The following SPOCK1 variants were observed in gnomAD, a reference collection of about 807,000 sequenced individuals.
SPOCK1 encodes SPARC (osteonectin), cwcv and kazal like domains proteoglycan 1.
SPOCK1 carries 23 observed loss-of-function variants against 55.3 expected under a neutral mutation model. The ratio of observed to expected loss-of-function variants is 0.42; its 90% CI spans 0.30 to 0.59. SPOCK1 has a LOEUF of 0.59. Among genes scored for constraint, SPOCK1 ranks in the 20% least tolerant of loss-of-function variants. The pLI is 0.22. For missense variants in SPOCK1, 499 were observed against 552.5 expected, an observed-to-expected ratio of 0.90 and a Z score of 0.97; for synonymous variants, 226 against 221.0, an observed-to-expected ratio of 1.02 and a Z score of -0.20.
At chr5:137,031,145 G>A (rs1751771322) in intron 6 of SPOCK1, among the ~76,000 whole-genome samples, 1 of 152,130 alleles carries the variant, frequency 6.6e-6, no homozygotes, top group South Asian at 2.1e-4. Flanking sequence ...GTGGGACTCT[G>A]TACCATTTCC....
intron 2 of SPOCK1, among the ~76,000 whole-genome samples, chr5:137,405,285 C>T (rs1054363388): frequency 6.6e-6 from 1 of 152,202 alleles, no homozygotes; most frequent in Admixed American, 6.5e-5. Context: ...ATCCCCTCAT[C>T]AATTCATATA....
At chr5:137,204,755 T>A (rs958513905) in intron 3 of SPOCK1, among the ~76,000 whole-genome samples, 10 of 152,160 alleles carry the variant, frequency 6.6e-5, no homozygotes, top group African/African-American at 2.4e-4. Flanking sequence ...AGCAGCTTCA[T>A]CCTGCCTTTG....
intron 2 of SPOCK1, among the ~76,000 whole-genome samples, chr5:137,379,193 C>T (rs991958855): frequency 1.3e-5 from 2 of 151,008 alleles, no homozygotes; most frequent in African/African-American, 4.9e-5. Flanking sequence ...CCTGCCCCCA[C>T]CCCACAATCC....
In SPOCK1 at chr5:137,024,318, G is replaced by GGGC. The variant is rs532405532; in HGVS notation, c.590-31719_590-31718insGCC. Among the ~76,000 whole-genome samples the GGGC allele has an allele frequency of 1.5e-3, 216 of 148,830 alleles. 4 individuals are homozygous for GGGC. Among genetic ancestry groups the GGGC allele is most frequent in the Non-Finnish European group, 2.4e-3 (160 of 67,412 alleles). On this transcript the variant is annotated intron_variant, in intron 6 of 10. Coordinates refer to ENST00000394945, the MANE Select transcript of SPOCK1 (RefSeq NM_004598.4). ...CACTAAATTGCACCAGTTTGAAGGG[G>GGGC]GGGGGGTAGTTACAACTGACTGCTC...
intron 2 of SPOCK1, among the ~76,000 whole-genome samples, chr5:137,355,627 ATCCTGGAGAGG>A (rs1750775166): frequency 6.6e-6 from 1 of 152,172 alleles, no homozygotes; most frequent in Admixed American, 6.5e-5. Context: ...TGCAGTGACC[ATCCTGGAGAGG>A]TGCTGGACTG....
At chr5:137,124,023 A>G (rs1267988852) in intron 4 of SPOCK1, among the ~76,000 whole-genome samples, 1 of 152,166 alleles carries the variant, frequency 6.6e-6, no homozygotes, top group East Asian at 1.9e-4. Context: ...TATTGCTCTG[A>G]GAACCGCTCT....
intron 2 of SPOCK1, among the ~76,000 whole-genome samples, chr5:137,315,199 C>T (rs1038509730): frequency 6.6e-6 from 1 of 152,208 alleles, no homozygotes; most frequent in African/African-American, 2.4e-5. Flanking sequence ...CACTAGGAAG[C>T]CTTCCAAGGT....
chr5:137,299,976 T>C (rs1283684370), intron 2 of SPOCK1, among the ~76,000 whole-genome samples: 1 of 152,186 alleles, frequency 6.6e-6, no homozygotes, highest in African/African-American at 2.4e-5. Flanking sequence ...CCATTATTTC[T>C]TCAAATATTT....
At chr5:136,984,331 T>C (rs1580693320) in intron 9 of SPOCK1, among the ~76,000 whole-genome samples, 1 of 152,184 alleles carries the variant, frequency 6.6e-6, no homozygotes, top group East Asian at 1.9e-4. Flanking sequence ...ATAGAGAAAC[T>C]TCTGAAATGG....
intron 2 of SPOCK1, among the ~76,000 whole-genome samples, chr5:137,416,710 T>C (rs913384925): frequency 6.6e-6 from 1 of 152,114 alleles, no homozygotes; most frequent in Non-Finnish European, 1.5e-5. Context: ...AAAGCAAGTG[T>C]AGCATTTTAC....
At chr5:137,413,058 G>A (rs1461520482) in intron 2 of SPOCK1, among the ~76,000 whole-genome samples, 1 of 151,980 alleles carries the variant, frequency 6.6e-6, no homozygotes, top group African/African-American at 2.4e-5. Flanking sequence ...GTAATTTTTG[G>A]AGGTGCTGTA....
intron 2 of SPOCK1, among the ~76,000 whole-genome samples, chr5:137,351,816 A>G (rs1750687065): frequency 6.6e-6 from 1 of 152,256 alleles, no homozygotes; most frequent in South Asian, 2.1e-4. Flanking sequence ...GAATAGCCAC[A>G]TAATCATGAT....
At chr5:137,338,444 G>C (rs1463722394) in intron 2 of SPOCK1, among the ~76,000 whole-genome samples, 1 of 151,968 alleles carries the variant, frequency 6.6e-6, no homozygotes, top group Admixed American at 6.6e-5. Flanking sequence ...TTGGTTCCAA[G>C]TCTTTGCTAT....
At chr5:137,017,739 T>C (rs558370846) in intron 6 of SPOCK1, among the ~76,000 whole-genome samples, 7 of 152,286 alleles carry the variant, frequency 4.6e-5, no homozygotes, top group African/African-American at 1.7e-4. Context: ...TAAAAACAAT[T>C]AACAGTACCA....
intron 2 of SPOCK1, among the ~76,000 whole-genome samples, chr5:137,466,747 C>T (rs567097214): frequency 4.5e-4 from 68 of 152,320 alleles, no homozygotes; most frequent in Middle Eastern, 6.8e-3. Flanking sequence ...TCATTTGTAG[C>T]TAAAAACCTA....
At chr5:137,200,364 T>G (rs985620677) in intron 3 of SPOCK1, among the ~76,000 whole-genome samples, 17 of 152,182 alleles carry the variant, frequency 1.1e-4, no homozygotes, top group African/African-American at 3.1e-4. Flanking sequence ...CCTCCTAAAA[T>G]GAATAAAAAA....
intron 2 of SPOCK1, among the ~76,000 whole-genome samples, chr5:137,371,529 A>G (rs1004431991): frequency 6.6e-6 from 1 of 152,192 alleles, no homozygotes; most frequent in African/African-American, 2.4e-5. Context: ...CCATCCCTTT[A>G]GGTAACAGGA....
chr5:137,095,379 A>G (rs930722247), intron 5 of SPOCK1, among the ~76,000 whole-genome samples: 3 of 152,234 alleles, frequency 2.0e-5, no homozygotes, highest in Non-Finnish European at 4.4e-5. Context: ...ACAATAAAAG[A>G]ACATTCATTA....
chr5:137,183,918 C>T (rs796306090), intron 3 of SPOCK1, among the ~76,000 whole-genome samples: 6 of 152,304 alleles, frequency 3.9e-5, no homozygotes, highest in African/African-American at 1.4e-4. Context: ...CTTTAGCTCC[C>T]TTTATTTGTA....
Sources: allele counts gnomAD v4.1 joint callset (sites outside exome capture counted in the v4.1 genomes callset), GRCh38; gene constraint gnomAD v4.1.1; transcripts MANE v1.5; gene names NCBI Gene and HGNC (gene_info 2026-07-23, HGNC 2026-07-21).